Variants in MRTFB observed in about 807,000 individuals in gnomAD.
MRTFB encodes the protein myocardin related transcription factor B.
MRTFB carries 29 observed loss-of-function variants against 104.2 expected under a neutral mutation model. The observed-to-expected ratio is 0.28, with a 90% CI of 0.21 to 0.38. The LOEUF (loss-of-function observed/expected upper bound fraction) is 0.38. Among genes scored for constraint, MRTFB ranks in the 10% least tolerant of loss-of-function variants. The pLI, the probability that MRTFB is intolerant of heterozygous loss-of-function variation, is 1.00. For missense variants in MRTFB, 1,270 were observed against 1,341.6 expected (o/e 0.95, Z 0.83); for synonymous variants, 535 against 519.5 (o/e 1.03, Z -0.41).
chr16:14,243,877 T>TTTTTTTTTTTTTTTTTTTG (rs2042894087), intron 10 of MRTFB, among the ~76,000 whole-genome samples: 1 of 147,640 alleles, frequency 6.8e-6, no homozygotes, highest in African/African-American at 2.6e-5. Context: ...TTTTTTTTTT[T>TTTTTTTTTTTTTTTTTTTG]GAGACAGAGT....
At chr16:14,140,468 T>C (rs985254276) in intron 2 of MRTFB, 76 bp from the exon 3 acceptor site, 8 of 1,045,382 alleles carry the variant, frequency 7.7e-6, no homozygotes, top group Non-Finnish European at 1.1e-5. Context: ...GAACCCAGGA[T>C]TCCCGTTTTA....
At chr16:14,186,418 A>G (rs1747538249) in intron 3 of MRTFB, among the ~76,000 whole-genome samples, 1 of 152,242 alleles carries the variant, frequency 6.6e-6, no homozygotes, top group Non-Finnish European at 1.5e-5. Context: ...AAGTATTTCC[A>G]TAGCCTGTGG....
intron 3 of MRTFB, among the ~76,000 whole-genome samples, chr16:14,196,880 C>A (rs969481761): frequency 6.6e-6 from 1 of 151,962 alleles, no homozygotes; most frequent in Non-Finnish European, 1.5e-5. Context: ...CAAATTAGCA[C>A]CCTTGAAATA....
intron 3 of MRTFB, among the ~76,000 whole-genome samples, chr16:14,186,378 A>G (rs1421176281): frequency 6.6e-6 from 1 of 152,214 alleles, no homozygotes; most frequent in Non-Finnish European, 1.5e-5. Flanking sequence ...GAACTTAATG[A>G]GTAATTGATG....
intron 10 of MRTFB, chr16:14,241,054 A>G (rs1439509438): frequency 8.5e-6 from 4 of 467,882 alleles, no homozygotes; most frequent in Admixed American, 4.0e-5. Context: ...AGTGGAAGAC[A>G]AAAATCGAGT....
chr16:14,242,689 A>G (rs1466462070), intron 10 of MRTFB, among the ~76,000 whole-genome samples: 1 of 152,170 alleles, frequency 6.6e-6, no homozygotes, highest in African/African-American at 2.4e-5. Context: ...AGGCCACTGC[A>G]TCCCTCTGAA....
At chr16:14,112,237 A>C (rs72783475) in intron 2 of MRTFB, among the ~76,000 whole-genome samples, 1 of 152,042 alleles carries the variant, frequency 6.6e-6, no homozygotes, top group Admixed American at 6.5e-5. Flanking sequence ...CCCCGGTGGG[A>C]TTAACGGATT....
intron 3 of MRTFB, among the ~76,000 whole-genome samples, chr16:14,165,103 T>C (rs1402882762): frequency 6.6e-6 from 1 of 151,976 alleles, no homozygotes; most frequent in Non-Finnish European, 1.5e-5. Context: ...GATGAATCTT[T>C]TGTTCCAATG....
intron 2 of MRTFB, among the ~76,000 whole-genome samples, chr16:14,090,809 T>C (rs2035011171): frequency 6.6e-6 from 1 of 152,068 alleles, no homozygotes; most frequent in Non-Finnish European, 1.5e-5. Context: ...GTGTGACGAC[T>C]CTGATGCCTA....
chr16:14,210,692 C>T (rs1030567631), intron 4 of MRTFB, among the ~76,000 whole-genome samples: 52 of 152,184 alleles, frequency 3.4e-4, no homozygotes, highest in African/African-American at 1.2e-3. Flanking sequence ...TTTACTTAGA[C>T]TTATTTAGTT....
At chr16:14,132,312 A>ATT (rs879649675) in intron 2 of MRTFB, among the ~76,000 whole-genome samples, 1 of 144,334 alleles carries the variant, frequency 6.9e-6, no homozygotes, top group African/African-American at 2.5e-5. Flanking sequence ...TGGGTACAGG[A>ATT]TTTTTTTTTT....
At chr16:14,159,720 G>A (rs1490983287) in intron 3 of MRTFB, among the ~76,000 whole-genome samples, 7 of 151,762 alleles carry the variant, frequency 4.6e-5, no homozygotes, top group Non-Finnish European at 8.8e-5. Context: ...ACGAGGTCAG[G>A]AGATCGAGAC....
the MRTFB span, among the ~76,000 whole-genome samples, chr16:14,063,142 G>C: frequency 6.6e-6 from 1 of 152,164 alleles, no homozygotes; most frequent in Non-Finnish European, 1.5e-5. Flanking sequence ...CCAGCACTGG[G>C]TGCGGCAGAG....
the MRTFB span, among the ~76,000 whole-genome samples, chr16:14,034,923 G>A: frequency 2.0e-5 from 3 of 152,156 alleles, no homozygotes; most frequent in African/African-American, 7.2e-5. Flanking sequence ...ACTTCTCCTT[G>A]AGTGTCCGGG....
At position 14,183,562 on chromosome 16, in the gene MRTFB, G is replaced by C. The variant is rs28432737; in HGVS notation, c.155-26681G>C. Among the ~76,000 whole-genome samples, 3 of 151,748 alleles carry C rather than the reference G, an allele frequency of 2.0e-5. No individual in the cohort carries two copies. In the East Asian group the frequency reaches 5.8e-4, roughly 29 times the overall value. ...TTGATATATCTATACCGACTAAGCA[G>C]TCATCAATATCATCTTGATATTGAT... On this transcript the variant is annotated intron_variant, in intron 3 of 16. Coordinates refer to ENST00000571589, the MANE Select transcript of MRTFB (RefSeq NM_001308142.2).
chr16:14,124,095 G>A (rs1348096291), intron 2 of MRTFB, among the ~76,000 whole-genome samples: 2 of 152,286 alleles, frequency 1.3e-5, no homozygotes, highest in East Asian at 3.9e-4. Flanking sequence ...GAATACTTGT[G>A]ATTTTTGCAC....
At chr16:14,007,171 A>G in the MRTFB span, among the ~76,000 whole-genome samples, 1 of 152,150 alleles carries the variant, frequency 6.6e-6, no homozygotes, top group Non-Finnish European at 1.5e-5. Flanking sequence ...CACTTTCGTT[A>G]CCCCAAAAAG....
chr16:14,048,134 C>A, the MRTFB span, among the ~76,000 whole-genome samples: 4 of 152,156 alleles, frequency 2.6e-5, 1 homozygote, highest in South Asian at 8.3e-4. Context: ...AGTTCAAAAT[C>A]CAACGGGGCA....
At chr16:14,007,890 A>G in the MRTFB span, among the ~76,000 whole-genome samples, 1 of 152,194 alleles carries the variant, frequency 6.6e-6, no homozygotes, top group African/African-American at 2.4e-5. Context: ...AGAAACGTCT[A>G]TTCAGATCCT....
Sources: gnomAD v4.1 joint callset for allele counts (sites outside exome capture counted in the v4.1 genomes callset) on GRCh38, gnomAD v4.1.1 for gene constraint, MANE v1.5 for transcripts, NCBI Gene and HGNC (gene_info 2026-07-23, HGNC 2026-07-21) for gene names.